ARHGAP15: variants seen among roughly 807,000 people sequenced by gnomAD.
ARHGAP15 encodes the protein rho GTPase-activating protein 15.
ARHGAP15 carries 51 observed loss-of-function variants against 63.7 expected under a neutral mutation model. The observed-to-expected ratio is 0.80, with a 90% CI of 0.64 to 1.01. The LOEUF (loss-of-function observed/expected upper bound fraction) is 1.01. ARHGAP15 is among the 50% of genes least tolerant of loss of function. The pLI is 0.00. For missense variants in ARHGAP15, 560 were observed against 564.6 expected, an observed-to-expected ratio of 0.99 and a Z score of 0.08; for synonymous variants, 191 against 193.8, an observed-to-expected ratio of 0.99 and a Z score of 0.12.
intron 6 of ARHGAP15, among the ~76,000 whole-genome samples, chr2:143,273,850 G>A (rs916441723): frequency 2.6e-5 from 4 of 151,890 alleles, no homozygotes; most frequent in Admixed American, 2.6e-4. Flanking sequence ...TTTATTTCCT[G>A]ATGAATACAA....
At chr2:143,752,678 C>T (rs1213109064) in intron 13 of ARHGAP15, among the ~76,000 whole-genome samples, 1 of 152,080 alleles carries the variant, frequency 6.6e-6, no homozygotes, top group Non-Finnish European at 1.5e-5. Flanking sequence ...AAAGGTTAAC[C>T]CCTGTGGAAG....
At chr2:143,557,724 A>G (rs1051803267) in intron 11 of ARHGAP15, among the ~76,000 whole-genome samples, 1 of 152,122 alleles carries the variant, frequency 6.6e-6, no homozygotes, top group African/African-American at 2.4e-5. Flanking sequence ...AAGAGTGAGG[A>G]GATACATGTT....
intron 6 of ARHGAP15, among the ~76,000 whole-genome samples, chr2:143,368,538 G>C (rs900399218): frequency 1.3e-5 from 2 of 152,004 alleles, no homozygotes; most frequent in African/African-American, 4.8e-5. Flanking sequence ...ATTTGATTTT[G>C]GAATGAGAAC....
rs140874844 is a variant in ARHGAP15, at chr2:143,183,760, A to T, written c.166-18374A>T. Among the ~76,000 whole-genome samples, 40 of 150,758 alleles carry T rather than the reference A, an allele frequency of 2.7e-4. No individual in the cohort carries two copies. The East Asian group carries it at 5.6e-3, about 21-fold the overall frequency. The stretch of plus-strand genomic sequence containing the variant: ...TTAAAGCTAAAGATGAAATGCTGTC[A>T]TATTACAATTTTGTTTACTGGAAGC... On this transcript the variant is annotated intron_variant, in intron 2 of 13. Coordinates refer to ENST00000295095, the MANE Select transcript of ARHGAP15 (RefSeq NM_018460.4).
chr2:143,551,213 G>A (rs1695548390), intron 10 of ARHGAP15, among the ~76,000 whole-genome samples: 1 of 152,178 alleles, frequency 6.6e-6, no homozygotes, highest in Non-Finnish European at 1.5e-5. Flanking sequence ...GTGCAATGCT[G>A]TGATCAAGGC....
chr2:143,531,598 A>G (rs1694527144), intron 10 of ARHGAP15, among the ~76,000 whole-genome samples: 1 of 152,238 alleles, frequency 6.6e-6, no homozygotes, highest in South Asian at 2.1e-4. Flanking sequence ...TAGAAAATTG[A>G]GCTTGATCAG....
intron 8 of ARHGAP15, among the ~76,000 whole-genome samples, chr2:143,478,926 C>G (rs1691949746): frequency 6.6e-6 from 1 of 152,118 alleles, no homozygotes; most frequent in African/African-American, 2.4e-5. Flanking sequence ...TACATTATAG[C>G]ATATTCTTTA....
At chr2:143,554,169 C>G (rs1221381570) in intron 10 of ARHGAP15, among the ~76,000 whole-genome samples, 2 of 152,026 alleles carry the variant, frequency 1.3e-5, no homozygotes, top group East Asian at 3.9e-4. Flanking sequence ...TAGAATTTCT[C>G]TTTTAGAGAA....
intron 13 of ARHGAP15, among the ~76,000 whole-genome samples, chr2:143,708,432 A>G (rs1684427702): frequency 6.6e-6 from 1 of 152,140 alleles, no homozygotes. Context: ...TCTTTATCCC[A>G]TCTCAGGATC....
chr2:143,541,794 GA>G (rs1695069043), intron 10 of ARHGAP15, among the ~76,000 whole-genome samples: 1 of 152,208 alleles, frequency 6.6e-6, no homozygotes, highest in African/African-American at 2.4e-5. Context: ...CCTACTGGGG[GA>G]TGCCTCCCAG....
intron 13 of ARHGAP15, among the ~76,000 whole-genome samples, chr2:143,750,237 C>T (rs935391299): frequency 6.6e-5 from 10 of 152,142 alleles, no homozygotes; most frequent in Non-Finnish European, 8.8e-5. Context: ...GTCAGGAGTT[C>T]GAGACCAGCC....
chr2:143,191,385 A>T (rs16858765), intron 2 of ARHGAP15, among the ~76,000 whole-genome samples: 25,599 of 152,174 alleles, frequency 0.17, 2,332 homozygotes, highest in Middle Eastern at 0.24. Flanking sequence ...AAGGTATCTT[A>T]GGGTAAAGCT....
chr2:143,424,506 C>G (rs1257170115), intron 6 of ARHGAP15, among the ~76,000 whole-genome samples: 1 of 151,972 alleles, frequency 6.6e-6, no homozygotes, highest in Non-Finnish European at 1.5e-5. Context: ...GGAAAAGATT[C>G]CACAGAGAGG....
intron 6 of ARHGAP15, among the ~76,000 whole-genome samples, chr2:143,397,299 AATAAT>A (rs1290689019): frequency 6.7e-6 from 1 of 148,410 alleles, no homozygotes; most frequent in Non-Finnish European, 1.5e-5. Context: ...TATGGACAAT[AATAAT>A]ATGAGATATG....
intron 5 of ARHGAP15, chr2:143,235,949 T>C (rs1693625643): frequency 6.5e-7 from 1 of 1,546,282 alleles, no homozygotes; most frequent in African/African-American, 1.4e-5. Context: ...ATTTTAGAGC[T>C]TCTGCTTGAT....
At chr2:143,476,758 T>C (rs972752499) in intron 8 of ARHGAP15, among the ~76,000 whole-genome samples, 1 of 152,204 alleles carries the variant, frequency 6.6e-6, no homozygotes, top group African/African-American at 2.4e-5. Context: ...TGCAAACACA[T>C]AGCAATTTAC....
intron 6 of ARHGAP15, among the ~76,000 whole-genome samples, chr2:143,394,608 A>G (rs1406307544): frequency 6.6e-6 from 1 of 152,192 alleles, no homozygotes; most frequent in Non-Finnish European, 1.5e-5. Flanking sequence ...CTACCTGCGG[A>G]AAACAACAGA....
chr2:143,606,568 C>G (rs1698040642), intron 11 of ARHGAP15, among the ~76,000 whole-genome samples: 1 of 152,152 alleles, frequency 6.6e-6, no homozygotes, highest in African/African-American at 2.4e-5. Context: ...AATGGGAAAA[C>G]GTGAGCAATG....
chr2:143,304,612 G>T (rs1683081983), intron 6 of ARHGAP15, among the ~76,000 whole-genome samples: 1 of 151,820 alleles, frequency 6.6e-6, no homozygotes, highest in African/African-American at 2.4e-5. Context: ...TAATAAAAAA[G>T]TGAACTTAGA....
Sources: allele counts gnomAD v4.1 joint callset (sites outside exome capture counted in the v4.1 genomes callset), GRCh38; gene constraint gnomAD v4.1.1; transcripts MANE v1.5; gene names NCBI Gene and HGNC (gene_info 2026-07-23, HGNC 2026-07-21).